Variants in F10 observed in about 807,000 individuals in gnomAD.
F10 encodes Stuart-Prower factor.
F10 carries 29 observed loss-of-function variants against 37.1 expected under a neutral mutation model. That is an observed-to-expected ratio of 0.78 (90% CI 0.58 to 1.07). The LOEUF is 1.07. F10 is among the 50% of genes least tolerant of loss of function. The probability of loss-of-function intolerance (pLI) is 0.00; values close to 1 mark genes in which losing one functional copy is unlikely to be tolerated. For synonymous variants in F10, 262 were observed against 268.6 expected, an observed-to-expected ratio of 0.98 and a Z score of 0.24; for missense variants, 539 against 667.9, an observed-to-expected ratio of 0.81 and a Z score of 2.13.
In F10 at chr13:113,129,524, T is replaced by G; in HGVS notation, c.143T>G (p.Met48Arg). 2 of 1,614,050 alleles carry G rather than the reference T, an allele frequency of 1.2e-6. No homozygotes were observed. Among genetic ancestry groups the G allele is most frequent in the Non-Finnish European group, 1.7e-6 (2 of 1,180,006 alleles). ...AGGGCCAATTCCTTTCTTGAAGAGA[T>G]GAAGAAAGGACACCTCGAAAGAGAG... The part of the protein sequence containing the change: ...VTRANSFLEE[M>R]KKGHLERECM... The change falls in exon 2 of 8, where the codon ATG becomes AGG. Residue 48 changes from methionine (M) to arginine (R), a missense_variant. Physicochemically the swap from Met to Arg is moderately conservative, Grantham distance 91. Around this residue, in one of 2 missense-constraint regions of F10, gnomAD observed 130 missense variants for 120.0 expected, o/e 1.08. Transcript: ENST00000375559.
chr13:113,138,613 G>C (rs1030709479), intron 3 of F10, 132 bp downstream of exon 3: 2 of 654,914 alleles, frequency 3.1e-6, no homozygotes, highest in African/African-American at 3.6e-5. Context: ...CCCTCAGGGT[G>C]TTTCCATAAT....
chr13:113,132,366 T>C (rs2036442583), intron 2 of F10, among the ~76,000 whole-genome samples: 1 of 152,254 alleles, frequency 6.6e-6, no homozygotes, highest in Non-Finnish European at 1.5e-5. Context: ...ACCCTATAGC[T>C]AAGCTATATT....
intron 1 of F10, 123 bp from the exon 2 acceptor site, chr13:113,129,329 A>C: frequency 3.1e-6 from 4 of 1,278,004 alleles, no homozygotes; most frequent in Non-Finnish European, 4.5e-6. Context: ...TTGGTTTACA[A>C]GAGAGTGATC....
chr13:113,138,278 CAGA>C (rs1394940297), intron 2 of F10, among the ~76,000 whole-genome samples, 176 bp from the exon 3 acceptor site: 1 of 152,206 alleles, frequency 6.6e-6, no homozygotes, highest in Non-Finnish European at 1.5e-5. Flanking sequence ...TTCACAGATG[CAGA>C]AGATCTGAAT....
At chr13:113,135,552 C>T (rs920867387) in intron 2 of F10, among the ~76,000 whole-genome samples, 1 of 152,302 alleles carries the variant, frequency 6.6e-6, no homozygotes, top group Non-Finnish European at 1.5e-5. Context: ...GACATTAATC[C>T]TATTCACAAG....
At chr13:113,131,623 C>T (rs915164984) in intron 2 of F10, 2 of 152,240 alleles carry the variant, frequency 1.3e-5, no homozygotes, top group African/African-American at 4.8e-5. Context: ...CATATTCAGG[C>T]GCCTTGATAA....
At chr13:113,136,296 G>A (rs552407688) in intron 2 of F10, among the ~76,000 whole-genome samples, 18 of 151,962 alleles carry the variant, frequency 1.2e-4, no homozygotes, top group East Asian at 3.9e-4. Context: ...AAAATGGCAC[G>A]GCCACTTTGA....
chr13:113,134,305 CT>C (rs1434899188), intron 2 of F10, among the ~76,000 whole-genome samples: 3 of 152,132 alleles, frequency 2.0e-5, no homozygotes, highest in African/African-American at 7.2e-5. Context: ...CCTTCTCACG[CT>C]GCTGTGAAGA....
intron 6 of F10, 138 bp from the exon 7 acceptor site, chr13:113,147,241 T>C: frequency 1.4e-6 from 1 of 707,930 alleles, no homozygotes; most frequent in Non-Finnish European, 2.6e-6. Flanking sequence ...GGAACTGTCC[T>C]TGGGTGGATG....
chr13:113,147,379 G>A lies in F10; in HGVS notation c.748G>A (p.Ala250Thr). ...ACTGAGCCTGTCACGTCTGTCACAG[G>A]CCCTGCTCATCAATGAGGAAAACGA... Reference protein sequence around the residue: ...ECKDGECPWQALLINEENEGF... With the variant: ...ECKDGECPWQTLLINEENEGF... Residue 250 changes from alanine to threonine, a missense_variant and splice_region_variant, in exon 7 of 8, where the codon GCC becomes ACC. Ala to Thr is a moderately conservative substitution (Grantham distance 58). This residue lies in a region of F10 where 409 missense variants were observed against 547.9 expected (regional missense o/e 0.75). Transcript: ENST00000375559. 6.2e-7 allele frequency: 1 copy of A among 1,605,474 alleles called. No individual in the cohort carries two copies. Among genetic ancestry groups the A allele is most frequent in the Non-Finnish European group, 8.5e-7 (1 of 1,172,070 alleles).
chr13:113,123,833 C>T (rs2036344411), intron 1 of F10, among the ~76,000 whole-genome samples: 1 of 152,142 alleles, frequency 6.6e-6, no homozygotes, highest in Admixed American at 6.5e-5. Context: ...CCTGCCCTCC[C>T]CAGCCTCTGT....
intron 4 of F10, among the ~76,000 whole-genome samples, chr13:113,140,175 G>A (rs1345050598): frequency 3.4e-5 from 5 of 148,384 alleles, no homozygotes; most frequent in East Asian, 4.1e-4. Context: ...CCAGGTTCAC[G>A]CCATTCTCCT....
chr13:113,136,033 T>G (rs975978105), intron 2 of F10, among the ~76,000 whole-genome samples: 1 of 152,010 alleles, frequency 6.6e-6, no homozygotes, highest in Non-Finnish European at 1.5e-5. Flanking sequence ...TATAAAGAAA[T>G]CTTAACAGAT....
chr13:113,145,716 G>A (rs1452505268), intron 6 of F10, among the ~76,000 whole-genome samples: 3 of 152,178 alleles, frequency 2.0e-5, no homozygotes, highest in Admixed American at 1.3e-4. Flanking sequence ...GTCTTACATG[G>A]CGGCAGCAAG....
At chr13:113,124,043 C>T (rs1426722782) in intron 1 of F10, among the ~76,000 whole-genome samples, 1 of 152,212 alleles carries the variant, frequency 6.6e-6, no homozygotes, top group Admixed American at 6.5e-5. Flanking sequence ...CCATCATCAT[C>T]GACAGCAAAG....
rs980163627 is a variant in F10, at chr13:113,139,092, G to A, written c.257-265G>A. Among the ~76,000 whole-genome samples the A allele has an allele frequency of 6.6e-6, 1 of 152,138 alleles. No individual in the cohort carries two copies. Among genetic ancestry groups the A allele is most frequent in the African/African-American group, 2.4e-5 (1 of 41,408 alleles). On this transcript the variant is annotated intron_variant, in intron 3 of 7. Transcript: ENST00000375559. The surrounding 1 kb of genome is among the most constrained non-coding windows in gnomAD (Gnocchi z 5.2). ...TCCATCCTTCCAGTTGGTCCCTGTG[G>A]TCACCTCTGACTGTAAACACACTGC...
intron 5 of F10, among the ~76,000 whole-genome samples, chr13:113,142,129 AC>A (rs1310361553): frequency 1.3e-5 from 2 of 152,240 alleles, no homozygotes; most frequent in Non-Finnish European, 2.9e-5. Context: ...ACTGTGGCTG[AC>A]CTTGCTACTG....
In F10 at chr13:113,141,145, G is replaced by C; in HGVS notation, c.502+95G>C. The C allele has an allele frequency of 6.4e-7, 1 of 1,557,860 alleles. No individual in the cohort carries two copies. Among genetic ancestry groups the C allele is most frequent in the South Asian group, 1.1e-5 (1 of 87,750 alleles). On this transcript the variant is annotated intron_variant, in intron 5 of 7. Transcript: ENST00000375559. The surrounding 1 kb of genome is among the most constrained non-coding windows in gnomAD (Gnocchi z 5.4). The stretch of plus-strand genomic sequence containing the variant: ...GGGGGTGGGGACACAGGCATGTTCT[G>C]GGCGGGCCTGGCAGGTAACAGTGAC...
At chr13:113,142,626 T>G (rs1400195557) in intron 5 of F10, among the ~76,000 whole-genome samples, 14 of 146,846 alleles carry the variant, frequency 9.5e-5, no homozygotes, top group African/African-American at 3.2e-4. Flanking sequence ...TAATCTACTT[T>G]GTAGTGCAAA....
Sources: allele counts gnomAD v4.1 joint callset (sites outside exome capture counted in the v4.1 genomes callset), GRCh38; gene constraint gnomAD v4.1.1; regional missense constraint gnomAD v4.1.1; non-coding constraint Gnocchi (gnomAD v3.1); transcripts MANE v1.5; gene names NCBI Gene and HGNC (gene_info 2026-07-23, HGNC 2026-07-21).